The following NDUFA9 variants were observed in gnomAD, a reference collection of about 807,000 sequenced individuals.
NDUFA9 encodes NADH:ubiquinone oxidoreductase subunit A9.
In NDUFA9, 23 loss-of-function variants were observed where a neutral mutation model predicts 45.9. The ratio of observed to expected loss-of-function variants is 0.50; its 90% CI spans 0.36 to 0.71. The LOEUF (loss-of-function observed/expected upper bound fraction) is 0.71, where lower values mean the gene tolerates loss of function less well. NDUFA9 is among the 30% of genes least tolerant of loss of function. The pLI is 0.00. For missense variants in NDUFA9, 466 were observed against 488.2 expected, an observed-to-expected ratio of 0.95 and a Z score of 0.43; for synonymous variants, 176 against 170.5, an observed-to-expected ratio of 1.03 and a Z score of -0.25.
chr12:4,662,953 CCT>C (rs1455906946), intron 6 of NDUFA9, among the ~76,000 whole-genome samples: 1 of 152,132 alleles, frequency 6.6e-6, no homozygotes, highest in East Asian at 1.9e-4. Context: ...CCTAAAATCC[CCT>C]GTGTTATATG....
At chr12:4,663,009 A>G (rs1301857897) in intron 6 of NDUFA9, among the ~76,000 whole-genome samples, 4 of 152,006 alleles carry the variant, frequency 2.6e-5, no homozygotes, top group African/African-American at 7.2e-5. Flanking sequence ...CCAGACAACC[A>G]CTGATCTTTT....
At chr12:4,657,690 G>A (rs1179534908) in intron 3 of NDUFA9, 58 bp from the exon 4 acceptor site, 8 of 1,242,358 alleles carry the variant, frequency 6.4e-6, no homozygotes, top group African/African-American at 3.0e-5. Context: ...GGCTGCAGAA[G>A]TGTTGAGTGC....
At position 4,684,117 on chromosome 12, in the gene NDUFA9, G is replaced by C. The variant is rs1591550992; in HGVS notation, c.897-1142G>C. Among the ~76,000 whole-genome samples the C allele has an allele frequency of 2.0e-5, 3 of 152,304 alleles. No individual in the cohort carries two copies. In the Middle Eastern group the frequency reaches 0.01, roughly 518 times the overall value. On this transcript the variant is annotated intron_variant, in intron 9 of 10. Coordinates refer to ENST00000266544, the MANE Select transcript of NDUFA9 (RefSeq NM_005002.5). ...GAAGTGATCTGTTAGCATAGAATGA[G>C]GGCACAGAGAGTTAGAGGTTTGTAA...
chr12:4,686,580 C>T (rs985084114), intron 10 of NDUFA9, among the ~76,000 whole-genome samples: 1 of 151,984 alleles, frequency 6.6e-6, no homozygotes. Flanking sequence ...ATTCCTAAAC[C>T]CTCCTGTTCA....
At position 4,654,276 on chromosome 12, in the gene NDUFA9, TG is replaced by T. The variant is rs762646907; in HGVS notation, c.50-12del. 1.9e-6 allele frequency: 3 copies of T among 1,604,470 alleles called. No individual in the cohort carries two copies. The highest frequency in any genetic ancestry group is 2.6e-6 in the Non-Finnish European group (3 of 1,172,932). On this transcript the variant is annotated splice_polypyrimidine_tract_variant and intron_variant, in intron 1 of 10. Coordinates refer to ENST00000266544, the MANE Select transcript of NDUFA9 (RefSeq NM_005002.5). Reference sequence around the variant, plus strand: ...TAATATTTGCCATGCTTGTATACTTTGGGGTTTTGTTTAAGGTTCTGCCATT... The same window carrying T: ...TAATATTTGCCATGCTTGTATACTTTGGGTTTTGTTTAAGGTTCTGCCATT...
chr12:4,679,621 C>CTCA (rs1945940863), intron 8 of NDUFA9, among the ~76,000 whole-genome samples: 4 of 152,174 alleles, frequency 2.6e-5, no homozygotes, highest in Non-Finnish European at 5.9e-5. Context: ...TCATGGTCAC[C>CTCA]TTAATGACCT....
At chr12:4,649,294 C>T (rs1235281757) in intron 1 of NDUFA9, 119 bp downstream of exon 1, 10 of 1,230,768 alleles carry the variant, frequency 8.1e-6, no homozygotes, top group South Asian at 8.0e-5. Context: ...TCTGGTTTCT[C>T]TAGGTTTGGA....
chr12:4,660,004 C>G (rs1257069357), intron 5 of NDUFA9, among the ~76,000 whole-genome samples: 2 of 152,144 alleles, frequency 1.3e-5, no homozygotes, highest in Non-Finnish European at 2.9e-5. Flanking sequence ...CCCAAACATT[C>G]ATAAAATCAT....
chr12:4,694,022 CTA>C lies in NDUFA9; in HGVS notation c.*6916_*6917del. 1 of 152,138 alleles carries C rather than the reference CTA, an allele frequency of 6.6e-6. No individual in the cohort carries two copies. The highest frequency in any genetic ancestry group is 1.9e-4 in the East Asian group (1 of 5,196). The allele number at this position is 152,138 out of a possible 1,614,324, so 9.4% of individuals were successfully genotyped here. A position where few individuals can be genotyped will look rare whatever the true frequency, so the allele number is the denominator to read the frequency against. Reference sequence around the variant, plus strand: ...GATCCCATTGTACTTCAGTGGAAAACTATGCATTGTCTGGAATCTAGACTCTG... The same window carrying C: ...GATCCCATTGTACTTCAGTGGAAAACTGCATTGTCTGGAATCTAGACTCTG... On this transcript the variant is annotated 3_prime_UTR_variant, in exon 11 of 11. Coordinates refer to ENST00000266544, the MANE Select transcript of NDUFA9 (RefSeq NM_005002.5).
At chr12:4,663,991 G>T (rs990755862) in intron 6 of NDUFA9, among the ~76,000 whole-genome samples, 1 of 152,148 alleles carries the variant, frequency 6.6e-6, no homozygotes, top group Admixed American at 6.6e-5. Context: ...GTGGAAGGTA[G>T]AACTTGTGAG....
chr12:4,682,106 A>G (rs540329809), intron 8 of NDUFA9, 99 bp from the exon 9 acceptor site: 1 of 819,802 alleles, frequency 1.2e-6, no homozygotes, highest in Non-Finnish European at 2.0e-6. Flanking sequence ...ACTACAGTGC[A>G]TATATGTTTC....
chr12:4,677,530 C>G (rs982734023), intron 8 of NDUFA9, among the ~76,000 whole-genome samples: 1 of 152,166 alleles, frequency 6.6e-6, no homozygotes, highest in African/African-American at 2.4e-5. Flanking sequence ...TGCAGCTCAA[C>G]AAACATATGA....
intron 3 of NDUFA9, 66 bp downstream of exon 3, chr12:4,654,988 TAGGC>T: frequency 7.7e-7 from 1 of 1,300,216 alleles, no homozygotes; most frequent in Non-Finnish European, 1.1e-6. Context: ...TTAGGAGTGA[TAGGC>T]AGTATAATAA....
intron 6 of NDUFA9, among the ~76,000 whole-genome samples, chr12:4,667,933 A>G (rs1389924132): frequency 2.6e-5 from 4 of 152,224 alleles, no homozygotes; most frequent in Non-Finnish European, 4.4e-5. Flanking sequence ...GAACTAAGAC[A>G]TTATCTCACC....
chr12:4,675,409 C>T (rs111959202), intron 8 of NDUFA9, among the ~76,000 whole-genome samples: 1 of 151,704 alleles, frequency 6.6e-6, no homozygotes, highest in Non-Finnish European at 1.5e-5. Context: ...AGATAGACTG[C>T]TAGCCAGACT....
intron 5 of NDUFA9, among the ~76,000 whole-genome samples, chr12:4,660,120 C>T (rs917949732): frequency 2.6e-5 from 4 of 152,122 alleles, no homozygotes; most frequent in Admixed American, 6.5e-5. Context: ...GATGATAGTA[C>T]TGTTGAATAA....
chr12:4,691,560 A>G lies in NDUFA9; in HGVS notation c.*4452A>G, dbSNP rs1946018624. Reference sequence around the variant, plus strand: ...GAAGGTCTTGGAGTGAATGGGAGGTATAGTGGAATGGAGGGCGTATTTGAA... The same window carrying G: ...GAAGGTCTTGGAGTGAATGGGAGGTGTAGTGGAATGGAGGGCGTATTTGAA... On this transcript the variant is annotated 3_prime_UTR_variant, in exon 11 of 11. Coordinates refer to ENST00000266544, the MANE Select transcript of NDUFA9 (RefSeq NM_005002.5). 1 of 152,248 alleles carries G rather than the reference A, an allele frequency of 6.6e-6. No individual in the cohort carries two copies. Among genetic ancestry groups the G allele is most frequent in the Non-Finnish European group, 1.5e-5 (1 of 68,058 alleles). 9.4% of individuals were successfully genotyped at this position (152,248 alleles called of 1,614,324 possible).
chr12:4,680,305 G>A (rs1385384873), intron 8 of NDUFA9, among the ~76,000 whole-genome samples: 1 of 152,148 alleles, frequency 6.6e-6, no homozygotes, highest in Non-Finnish European at 1.5e-5. Context: ...GTCCTTCTGG[G>A]GTTTCAGGCT....
intron 8 of NDUFA9, among the ~76,000 whole-genome samples, chr12:4,673,122 C>G (rs1249968219): frequency 6.6e-6 from 1 of 152,168 alleles, no homozygotes; most frequent in Admixed American, 6.5e-5. Context: ...AGACCTGCAG[C>G]AGAGGGGCCT....
Sources: allele counts gnomAD v4.1 joint callset (sites outside exome capture counted in the v4.1 genomes callset), GRCh38; gene constraint gnomAD v4.1.1; transcripts MANE v1.5; gene names NCBI Gene and HGNC (gene_info 2026-07-23, HGNC 2026-07-21).